Variants in ATP6V0E1 observed in about 807,000 individuals in gnomAD.
The protein encoded by ATP6V0E1 is ATPase H+ transporting V0 subunit e1, also known as V-type proton ATPase subunit e 1.
Under a neutral mutation model 11.6 loss-of-function variants are expected in ATP6V0E1, and 4 were observed. The ratio of observed to expected loss-of-function variants is 0.35; its 90% CI spans 0.17 to 0.79. The LOEUF is 0.79. Among genes scored for constraint, ATP6V0E1 ranks in the 30% least tolerant of loss-of-function variants. The pLI is 0.54. For missense variants in ATP6V0E1, 105 were observed against 100.0 expected, an observed-to-expected ratio of 1.05 and a Z score of -0.21; for synonymous variants, 36 against 34.8, an observed-to-expected ratio of 1.04 and a Z score of -0.13.
intron 1 of ATP6V0E1, among the ~76,000 whole-genome samples, chr5:172,992,273 G>C (rs953822848): frequency 2.0e-5 from 3 of 152,126 alleles, no homozygotes; most frequent in Non-Finnish European, 4.4e-5. Context: ...GGATGGTCTC[G>C]ATCTCTTGAC....
intron 3 of ATP6V0E1, among the ~76,000 whole-genome samples, chr5:173,027,106 G>T (rs529392842): frequency 6.7e-6 from 1 of 150,158 alleles, no homozygotes; most frequent in Admixed American, 6.7e-5. Context: ...ATGAACCTGG[G>T]AGGCGGAGCT....
At chr5:172,998,609 TAAAAAAAAA>T (rs59297626) in intron 2 of ATP6V0E1, among the ~76,000 whole-genome samples, 1 of 119,928 alleles carries the variant, frequency 8.3e-6, no homozygotes, top group Non-Finnish European at 1.8e-5. Flanking sequence ...GACTCCATCT[TAAAAAAAAA>T]AAAAAAAAAA....
At chr5:173,004,992 T>G (rs1299595739) in intron 2 of ATP6V0E1, among the ~76,000 whole-genome samples, 1 of 152,198 alleles carries the variant, frequency 6.6e-6, no homozygotes, top group Non-Finnish European at 1.5e-5. Context: ...GGATTGCCTC[T>G]TCTGTTCATT....
At position 172,992,360 on chromosome 5, in the gene ATP6V0E1, C is replaced by G. The variant is rs202153131; in HGVS notation, c.105-2415C>G. On this transcript the variant is annotated intron_variant, in intron 1 of 3. Transcript: ENST00000519374. ...GCCACTGCGCCCGGCCATAACTTCC[C>G]TTTTCACTCAGAGTCAAAGCCTTTT... Among the ~76,000 whole-genome samples, 10 of 152,264 alleles carry G rather than the reference C, an allele frequency of 6.6e-5. No homozygotes were observed. In the East Asian group the frequency reaches 1.9e-3, roughly 29 times the overall value.
chr5:173,005,316 G>T (rs1272540902), intron 2 of ATP6V0E1, among the ~76,000 whole-genome samples: 3 of 152,046 alleles, frequency 2.0e-5, no homozygotes, highest in African/African-American at 7.2e-5. Context: ...GTTTTCTTTT[G>T]TTTCTTTCAC....
chr5:172,987,701 AT>A (rs549767602), intron 1 of ATP6V0E1, among the ~76,000 whole-genome samples: 68 of 151,416 alleles, frequency 4.5e-4, no homozygotes, highest in African/African-American at 1.6e-3. Flanking sequence ...ACACAGACAC[AT>A]TGTACAGCTA....
At position 173,028,480 on chromosome 5, in the gene ATP6V0E1, G is replaced by A. The variant is rs546056600; in HGVS notation, c.*37-5919G>A. Among the ~76,000 whole-genome samples, 3 of 152,222 alleles carry A rather than the reference G, an allele frequency of 2.0e-5. No homozygotes were observed. In the East Asian group the frequency reaches 5.8e-4, roughly 29 times the overall value. On this transcript the variant is annotated intron_variant, in intron 3 of 3. Transcript: ENST00000519374. ...GTACATGATTCCTTTTAAGAGGCCAGATTTGGAAAGTAGGTGTAAGCCAGA... is the reference window on the plus strand; with the variant it reads ...GTACATGATTCCTTTTAAGAGGCCAAATTTGGAAAGTAGGTGTAAGCCAGA...
chr5:173,001,646 C>T (rs1014076341), intron 2 of ATP6V0E1, among the ~76,000 whole-genome samples: 4 of 152,108 alleles, frequency 2.6e-5, no homozygotes, highest in African/African-American at 9.7e-5. Flanking sequence ...AGCACTTTGG[C>T]TGATTGGTTT....
At chr5:172,986,837 G>T (rs1263235100) in intron 1 of ATP6V0E1, 1 of 398,376 alleles carries the variant, frequency 2.5e-6, no homozygotes, top group African/African-American at 2.1e-5. Context: ...CGCCAGGCTG[G>T]AGTGCAGTGG....
At chr5:173,000,353 G>A (rs1756134071) in intron 2 of ATP6V0E1, among the ~76,000 whole-genome samples, 1 of 152,106 alleles carries the variant, frequency 6.6e-6, no homozygotes, top group Admixed American at 6.6e-5. Context: ...ATCTTGTTAA[G>A]TTACTATACT....
chr5:173,013,099 A>G (rs1405586525), intron 2 of ATP6V0E1, among the ~76,000 whole-genome samples: 1 of 152,126 alleles, frequency 6.6e-6, no homozygotes, highest in Non-Finnish European at 1.5e-5. Context: ...GCTTAAGTCC[A>G]GGAGCCTGGG....
At chr5:172,984,040 C>G in intron 1 of ATP6V0E1, 76 bp downstream of exon 1, 1 of 1,407,894 alleles carries the variant, frequency 7.1e-7, no homozygotes, top group African/African-American at 1.4e-5. Flanking sequence ...AGGCACGACC[C>G]CCACACGGGT....
intron 3 of ATP6V0E1, among the ~76,000 whole-genome samples, chr5:173,023,552 G>A (rs1320189295): frequency 6.6e-6 from 1 of 152,194 alleles, no homozygotes; most frequent in Non-Finnish European, 1.5e-5. Context: ...CTTCTATAAA[G>A]ATAACTTTCC....
In ATP6V0E1 at chr5:173,021,548, C is replaced by T. The variant is rs549766804; in HGVS notation, c.*36+1181C>T. ...CTCCCACCAGGTCCCTCCCACAACA[C>T]GTGGAAATTATGGAAGCTACAATTC... is the stretch of plus-strand genomic sequence containing the variant. On this transcript the variant is annotated intron_variant, in intron 3 of 3. Coordinates refer to ENST00000519374, the MANE Select transcript of ATP6V0E1 (RefSeq NM_003945.4). 7.8e-4 allele frequency among the ~76,000 whole-genome samples: 119 copies of T among 152,134 alleles called. 2 individuals carry two copies. Among genetic ancestry groups the T allele is most frequent in the Admixed American group, 4.6e-3 (71 of 15,272 alleles).
At chr5:173,020,714 T>C (rs757116279) in intron 3 of ATP6V0E1, 9 of 519,588 alleles carry the variant, frequency 1.7e-5, no homozygotes, top group African/African-American at 1.5e-4. Context: ...GATTTAAAAT[T>C]GAGCAGGTTT....
rs1360441628 is a variant in ATP6V0E1, at chr5:173,009,877, C to T, written c.153-10361C>T. 2.0e-5 allele frequency among the ~76,000 whole-genome samples: 3 copies of T among 151,862 alleles called. 1 individual carries two copies. The highest frequency in any genetic ancestry group is 3.9e-4 in the East Asian group (2 of 5,156). ...CTCCCGGGTTCAGGCGATTCTCCTG[C>T]CTCAGCCTCCTGAGTAGCTGGGATT... is the stretch of plus-strand genomic sequence containing the variant. On this transcript the variant is annotated intron_variant, in intron 2 of 3. Transcript: ENST00000519374.
intron 2 of ATP6V0E1, among the ~76,000 whole-genome samples, chr5:173,019,332 C>T (rs1326489153): frequency 6.6e-6 from 1 of 152,018 alleles, no homozygotes; most frequent in Non-Finnish European, 1.5e-5. Flanking sequence ...GAGGCGGGCA[C>T]ATCACGAGGT....
chr5:172,991,381 A>T (rs1458593808), intron 1 of ATP6V0E1, among the ~76,000 whole-genome samples: 3 of 152,192 alleles, frequency 2.0e-5, no homozygotes, highest in Non-Finnish European at 4.4e-5. Context: ...AACTATTAAT[A>T]TTAAGCAGGT....
intron 1 of ATP6V0E1, 77 bp downstream of exon 1, chr5:172,984,041 C>A: frequency 7.2e-7 from 1 of 1,396,082 alleles, no homozygotes; most frequent in Non-Finnish European, 1.0e-6. Flanking sequence ...GGCACGACCC[C>A]CACACGGGTC....
Sources: gnomAD v4.1 joint callset for allele counts (sites outside exome capture counted in the v4.1 genomes callset) on GRCh38, gnomAD v4.1.1 for gene constraint, MANE v1.5 for transcripts, NCBI Gene and HGNC (gene_info 2026-07-23, HGNC 2026-07-21) for gene names.